CNTN4: variants seen among roughly 807,000 people sequenced by gnomAD.
CNTN4 encodes the protein contactin 4, also known as contactin-4.
A neutral mutation model predicts 122.5 loss-of-function variants in CNTN4; 77 were observed. The observed-to-expected ratio is 0.63, with a 90% CI of 0.52 to 0.76. CNTN4 has a LOEUF of 0.76. CNTN4 is among the 30% of genes least tolerant of loss of function. CNTN4 has a pLI of 0.00. For missense variants in CNTN4, 1,256 were observed against 1,259.1 expected, an observed-to-expected ratio of 1.00 and a Z score of 0.04; for synonymous variants, 512 against 447.0, an observed-to-expected ratio of 1.15 and a Z score of -1.83.
intron 3 of CNTN4, among the ~76,000 whole-genome samples, chr3:2,446,740 C>T (rs1312334749): frequency 6.6e-6 from 1 of 152,180 alleles, no homozygotes; most frequent in African/African-American, 2.4e-5. Flanking sequence ...ACGTTATCAG[C>T]GTCTTCTGAG....
chr3:2,176,468 G>T (rs1440225698), intron 2 of CNTN4, among the ~76,000 whole-genome samples: 1 of 151,990 alleles, frequency 6.6e-6, no homozygotes, highest in Non-Finnish European at 1.5e-5. Flanking sequence ...AACCAGCATG[G>T]AAAACCCATG....
At chr3:2,468,623 T>C (rs1037020412) in intron 3 of CNTN4, among the ~76,000 whole-genome samples, 5 of 152,148 alleles carry the variant, frequency 3.3e-5, no homozygotes, top group Non-Finnish European at 7.3e-5. Context: ...ACTATTACAG[T>C]TTTTAATTGG....
At chr3:2,927,183 A>T in intron 13 of CNTN4, 1 of 322,370 alleles carries the variant, frequency 3.1e-6, no homozygotes. Flanking sequence ...TCATGAATGA[A>T]TAAAGTTATA....
At chr3:2,174,725 G>T (rs2036673137) in intron 2 of CNTN4, among the ~76,000 whole-genome samples, 1 of 152,124 alleles carries the variant, frequency 6.6e-6, no homozygotes, top group Non-Finnish European at 1.5e-5. Flanking sequence ...AGGTTTAATT[G>T]ACTCACAGTT....
chr3:2,620,790 T>C (rs568550416), intron 4 of CNTN4, among the ~76,000 whole-genome samples: 3 of 152,272 alleles, frequency 2.0e-5, no homozygotes, highest in African/African-American at 7.2e-5. Flanking sequence ...GCCCCCCTCC[T>C]GTGTAATTAT....
chr3:2,803,048 A>G (rs762268936), intron 6 of CNTN4, among the ~76,000 whole-genome samples: 1 of 152,226 alleles, frequency 6.6e-6, no homozygotes, highest in African/African-American at 2.4e-5. Context: ...GTAAAAATGT[A>G]ACAAATAGAG....
At position 2,100,585 on chromosome 3, in the gene CNTN4, A is replaced by C. The variant is rs1326071562; in HGVS notation, c.-199A>C. 2.0e-5 allele frequency: 3 copies of C among 152,292 alleles called. No homozygotes were observed. The highest frequency in any genetic ancestry group is 2.0e-4 in the Admixed American group (3 of 15,294). 9.4% of individuals were successfully genotyped at this position (152,292 alleles called of 1,614,324 possible). The stretch of plus-strand genomic sequence containing the variant: ...GGTGAAAAAGAACAGTGTGTCATGA[A>C]GACAGGCACCTGGAGGTGATTTGGG... On this transcript the variant is annotated 5_prime_UTR_variant, in exon 2 of 25. Transcript: ENST00000418658.
chr3:2,924,716 C>T (rs1173378798), intron 12 of CNTN4, among the ~76,000 whole-genome samples: 2 of 152,164 alleles, frequency 1.3e-5, no homozygotes, highest in Non-Finnish European at 2.9e-5. Context: ...GCTATCTCAA[C>T]ACCTACACTC....
intron 2 of CNTN4, among the ~76,000 whole-genome samples, chr3:2,311,396 A>G (rs1314050159): frequency 1.3e-5 from 2 of 152,184 alleles, no homozygotes; most frequent in Admixed American, 1.3e-4. Context: ...CATTAAAAAT[A>G]TATCAAACAG....
chr3:2,282,625 T>C (rs2041760094), intron 2 of CNTN4, among the ~76,000 whole-genome samples: 1 of 152,182 alleles, frequency 6.6e-6, no homozygotes, highest in Non-Finnish European at 1.5e-5. Context: ...TCAGGGTATC[T>C]TGAATTGCAT....
chr3:2,987,233 A>C (rs554823507), intron 13 of CNTN4, among the ~76,000 whole-genome samples: 3 of 147,796 alleles, frequency 2.0e-5, no homozygotes, highest in African/African-American at 8.0e-5. Flanking sequence ...TTAGAACAAA[A>C]CAGTAAGCAA....
chr3:2,294,319 C>T (rs1485644251), intron 2 of CNTN4, among the ~76,000 whole-genome samples: 1 of 123,968 alleles, frequency 8.1e-6, no homozygotes, highest in Non-Finnish European at 1.8e-5. Context: ...ATACCTCACT[C>T]AAGAGCTTGT....
chr3:2,298,846 G>T (rs534296925), intron 2 of CNTN4, among the ~76,000 whole-genome samples: 1 of 152,272 alleles, frequency 6.6e-6, no homozygotes, highest in East Asian at 1.9e-4. Context: ...GTTTTTGTGA[G>T]GAGTAAATTA....
chr3:2,460,068 C>T (rs1052448702), intron 3 of CNTN4, among the ~76,000 whole-genome samples: 17 of 152,006 alleles, frequency 1.1e-4, no homozygotes, highest in Non-Finnish European at 1.6e-4. Flanking sequence ...GGCTGAGTTA[C>T]GGTCACATTT....
intron 10 of CNTN4, among the ~76,000 whole-genome samples, chr3:2,896,935 T>TTG (rs1227593539): frequency 1.3e-4 from 20 of 151,504 alleles, no homozygotes; most frequent in African/African-American, 4.8e-4. Flanking sequence ...TAGAGGGTTT[T>TTG]TTTTTTTTTT....
At chr3:3,037,459 T>C in intron 18 of CNTN4, 131 bp downstream of exon 18, 3 of 1,302,758 alleles carry the variant, frequency 2.3e-6, no homozygotes, top group Admixed American at 1.7e-5. Context: ...TAAATGTTTA[T>C]AATGATAGAA....
intron 4 of CNTN4, among the ~76,000 whole-genome samples, chr3:2,605,395 A>T (rs915787200): frequency 7.9e-5 from 12 of 152,188 alleles, no homozygotes; most frequent in African/African-American, 2.9e-4. Flanking sequence ...ATGGCAGATC[A>T]TGCAGGGAGA....
At chr3:2,569,537 A>G (rs552805655) in intron 3 of CNTN4, among the ~76,000 whole-genome samples, 1 of 152,302 alleles carries the variant, frequency 6.6e-6, no homozygotes, top group Non-Finnish European at 1.5e-5. Flanking sequence ...TATAAATGTA[A>G]TATATTTTTT....
intron 13 of CNTN4, among the ~76,000 whole-genome samples, chr3:2,965,794 C>T (rs184112754): frequency 1.3e-5 from 2 of 152,130 alleles, no homozygotes; most frequent in Non-Finnish European, 2.9e-5. Flanking sequence ...ACAGTTAATG[C>T]TCTGACAATG....
Sources: allele counts gnomAD v4.1 joint callset (sites outside exome capture counted in the v4.1 genomes callset), GRCh38; gene constraint gnomAD v4.1.1; transcripts MANE v1.5; gene names NCBI Gene and HGNC (gene_info 2026-07-23, HGNC 2026-07-21).